ATRX: variants seen among roughly 807,000 people sequenced by gnomAD.
ATRX encodes ATRX chromatin remodeler.
ATRX carries 12 observed loss-of-function variants against 172.6 expected under a neutral mutation model. The ratio of observed to expected loss-of-function variants is 0.07; its 90% confidence interval spans 0.04 to 0.11. The LOEUF (loss-of-function observed/expected upper bound fraction) is 0.11, where lower values mean the gene tolerates loss of function less well. ATRX is among the 10% of genes least tolerant of loss of function. The pLI is 1.00. For missense variants in ATRX, 1,368 were observed against 1,767.4 expected (o/e 0.77, Z 4.05); for synonymous variants, 674 against 594.7 (o/e 1.13, Z -1.94).
intron 34 of ATRX, among the ~76,000 whole-genome samples, chrX:77,513,932 C>T (rs2062965240): frequency 9.0e-6 from 1 of 110,504 alleles, no homozygotes; most frequent in Non-Finnish European, 1.9e-5. Context: ...AATCAATGTA[C>T]AAAAATCAGT....
chrX:77,601,803 T>C (rs1299369546), intron 22 of ATRX, among the ~76,000 whole-genome samples: 2 of 112,051 alleles, frequency 1.8e-5, no homozygotes, highest in Non-Finnish European at 3.8e-5. Flanking sequence ...GAAACATTAA[T>C]AATGCATAAA....
At chrX:77,512,967 A>G (rs1054446582) in intron 34 of ATRX, among the ~76,000 whole-genome samples, 3 of 111,673 alleles carry the variant, frequency 2.7e-5, no homozygotes, top group Non-Finnish European at 5.6e-5. Context: ...AGGGATCACA[A>G]AACAACCAGA....
chrX:77,645,385 C>T (rs782069199), intron 15 of ATRX, among the ~76,000 whole-genome samples: 13 of 111,456 alleles, frequency 1.2e-4, no homozygotes, highest in African/African-American at 3.3e-4. Context: ...GTGATCCTCC[C>T]GCCTCGGTCT....
chrX:77,559,242 T>C (rs17139564), intron 28 of ATRX, among the ~76,000 whole-genome samples: 1 of 108,982 alleles, frequency 9.2e-6, no homozygotes, highest in Non-Finnish European at 1.9e-5. Flanking sequence ...TAGGTGAATA[T>C]GTAGGGGTGA....
intron 1 of ATRX, among the ~76,000 whole-genome samples, chrX:77,748,581 TTTTTA>T (rs1395917625): frequency 9.0e-6 from 1 of 111,505 alleles, no homozygotes; most frequent in Non-Finnish European, 1.9e-5. Flanking sequence ...AGGTTTTTTA[TTTTTA>T]TTTTTATTTT....
chrX:77,645,424 C>T (rs189667398), intron 15 of ATRX, among the ~76,000 whole-genome samples: 80 of 111,837 alleles, frequency 7.2e-4, no homozygotes, highest in South Asian at 1.1e-3. Flanking sequence ...CAGGGGTGAG[C>T]TACTGTGCCA....
chrX:77,506,912 T>TC lies in ATRX; in HGVS notation c.*1438_*1439insG. The TC allele has an allele frequency of 6.4e-6, 1 of 157,425 alleles. No homozygotes were observed. Among genetic ancestry groups the TC allele is most frequent in the Non-Finnish European group, 1.2e-5 (1 of 84,279 alleles). The allele number at this position is 157,425 out of a possible 1,213,427, so 13.0% of individuals were successfully genotyped here. A position where few individuals can be genotyped will look rare whatever the true frequency, so the allele number is the denominator to read the frequency against. ...ACCCAGTTTTCTTTTTTTTTTTTTT[T>TC]TTTTTTTTTTTGGAATTCTTAAGCT... is the stretch of plus-strand genomic sequence containing the variant. On this transcript the variant is annotated 3_prime_UTR_variant, in exon 35 of 35. Coordinates refer to ENST00000373344, the MANE Select transcript of ATRX (RefSeq NM_000489.6).
At chrX:77,533,212 T>C (rs781900118) in intron 30 of ATRX, among the ~76,000 whole-genome samples, 1 of 112,507 alleles carries the variant, frequency 8.9e-6, no homozygotes, top group Non-Finnish European at 1.9e-5. Flanking sequence ...TGGAAGACAG[T>C]GTGGCGATTC....
chrX:77,549,441 A>G (rs2064381124), intron 30 of ATRX, among the ~76,000 whole-genome samples: 1 of 112,171 alleles, frequency 8.9e-6, no homozygotes, highest in Non-Finnish European at 1.9e-5. Flanking sequence ...TGTATAATTA[A>G]TAAGTTTATT....
At chrX:77,741,037 TACACACACAC>T (rs111437851) in intron 1 of ATRX, among the ~76,000 whole-genome samples, 3 of 99,247 alleles carry the variant, frequency 3.0e-5, no homozygotes, top group South Asian at 4.8e-4. Context: ...ACCCTGTCTC[TACACACACAC>T]ACACACACAC....
intron 30 of ATRX, among the ~76,000 whole-genome samples, chrX:77,556,211 AAGGGAGAGAGGGAGAGAGGGAGAG>A (rs1295872654): frequency 6.9e-4 from 11 of 15,833 alleles, no homozygotes; most frequent in Non-Finnish European, 1.5e-3. Context: ...GAGAGGGGGA[AAGGGAGAGAGGGAGAGAGGGAGAG>A]AGGGAGAGAG....
intron 23 of ATRX, among the ~76,000 whole-genome samples, chrX:77,600,171 T>C (rs1299140351): frequency 2.7e-5 from 3 of 111,988 alleles, no homozygotes; most frequent in African/African-American, 9.7e-5. Flanking sequence ...GTCAAAGGTA[T>C]AGGGGAATTC....
At chrX:77,574,010 A>G (rs1173767426) in intron 28 of ATRX, among the ~76,000 whole-genome samples, 1 of 111,093 alleles carries the variant, frequency 9.0e-6, no homozygotes, top group African/African-American at 3.3e-5. Flanking sequence ...GGTATATGCA[A>G]CAATGTAAAT....
chrX:77,610,813 A>C (rs1557093543), intron 22 of ATRX, among the ~76,000 whole-genome samples: 1 of 109,403 alleles, frequency 9.1e-6, no homozygotes, highest in Non-Finnish European at 1.9e-5. Context: ...ATACCATAAT[A>C]TAAACTATCC....
At chrX:77,626,478 C>A (rs2067854612) in intron 19 of ATRX, among the ~76,000 whole-genome samples, 1 of 110,923 alleles carries the variant, frequency 9.0e-6, no homozygotes. Context: ...TATGTGCAAA[C>A]CTTGAAAGAT....
intron 28 of ATRX, 43 bp downstream of exon 28, chrX:77,574,203 AAATT>A (rs782228783): frequency 2.3e-6 from 2 of 854,607 alleles, no homozygotes; most frequent in Non-Finnish European, 3.4e-6. Flanking sequence ...GTAAATTTTA[AAATT>A]AATTATTTTA....
intron 15 of ATRX, among the ~76,000 whole-genome samples, chrX:77,643,756 T>C (rs782099036): frequency 9.1e-6 from 1 of 110,441 alleles, no homozygotes; most frequent in Non-Finnish European, 1.9e-5. Flanking sequence ...ACCAGGTATA[T>C]AGGATAATTC....
At chrX:77,626,852 G>A (rs1489958432) in intron 19 of ATRX, among the ~76,000 whole-genome samples, 1 of 112,315 alleles carries the variant, frequency 8.9e-6, no homozygotes, top group Non-Finnish European at 1.9e-5. Context: ...TAACTTAAAA[G>A]AACTATTTGT....
chrX:77,525,984 C>CT (rs1205380978), intron 30 of ATRX, among the ~76,000 whole-genome samples: 1 of 112,163 alleles, frequency 8.9e-6, no homozygotes, highest in Non-Finnish European at 1.9e-5. Context: ...TAAAAAATGT[C>CT]TGAGATACCA....
Sources: gnomAD v4.1 joint callset for allele counts (sites outside exome capture counted in the v4.1 genomes callset) on GRCh38, gnomAD v4.1.1 for gene constraint, MANE v1.5 for transcripts, NCBI Gene and HGNC (gene_info 2026-07-23, HGNC 2026-07-21) for gene names.